The following ADGRA3 variants were observed in gnomAD, a reference collection of about 807,000 sequenced individuals.
ADGRA3 encodes the protein G-protein coupled receptor 125.
Under a neutral mutation model 119.8 loss-of-function variants are expected in ADGRA3, and 56 were observed. That is an observed-to-expected ratio of 0.47 (90% CI 0.38 to 0.58). The LOEUF is 0.58. Ranked by LOEUF, ADGRA3 falls within the 20% of genes least tolerant of loss-of-function variation. The probability of loss-of-function intolerance (pLI) is 0.00; values close to 1 mark genes in which losing one functional copy is unlikely to be tolerated. For synonymous variants in ADGRA3, 607 were observed against 623.8 expected (o/e 0.97, Z 0.40); for missense variants, 1,516 against 1,649.0 (o/e 0.92, Z 1.40).
rs775389315 is a variant in ADGRA3 at position 22,387,807 on chromosome 4, C to T, written c.3864G>A (p.Gln1288=). ...GCCCATTGCTTTTAATTGGTCCATT[C>T]TGAATGGCCAAGTTGAGGCCATAAG... ...QKSYGLNLAI[Q]NGPIKSNGQE... The change falls in exon 19 of 19, where the codon CAG becomes CAA. Residue 1288 remains glutamine (Q), a synonymous_variant. Transcript: ENST00000334304. The T allele has an allele frequency of 1.2e-6, 2 of 1,614,004 alleles. No individual in the cohort carries two copies. Among genetic ancestry groups the T allele is most frequent in the African/African-American group, 1.3e-5 (1 of 74,938 alleles).
chr4:22,461,676 G>C (rs1284845473), intron 3 of ADGRA3, 61 bp downstream of exon 3: 2 of 1,134,290 alleles, frequency 1.8e-6, no homozygotes, highest in African/African-American at 3.1e-5. Flanking sequence ...GTTAAAGTAA[G>C]TTGACAGCTA....
chr4:22,505,560 C>G (rs1327149768), intron 1 of ADGRA3, among the ~76,000 whole-genome samples: 2 of 150,114 alleles, frequency 1.3e-5, no homozygotes, highest in Non-Finnish European at 2.9e-5. Flanking sequence ...GGCAGGAGAA[C>G]GGTTTGAGCC....
At chr4:22,460,723 G>A (rs1717412460) in intron 3 of ADGRA3, among the ~76,000 whole-genome samples, 1 of 152,100 alleles carries the variant, frequency 6.6e-6, no homozygotes, top group African/African-American at 2.4e-5. Flanking sequence ...TTTTTCTCCT[G>A]TTAATCTGTC....
chr4:22,417,522 G>A (rs1715478046), intron 12 of ADGRA3, among the ~76,000 whole-genome samples: 1 of 152,116 alleles, frequency 6.6e-6, no homozygotes, highest in African/African-American at 2.4e-5. Flanking sequence ...CTGCATAACA[G>A]CCGAGAAACT....
At chr4:22,438,883 G>A (rs1191001063) in intron 7 of ADGRA3, among the ~76,000 whole-genome samples, 2 of 152,106 alleles carry the variant, frequency 1.3e-5, no homozygotes, top group Non-Finnish European at 2.9e-5. Flanking sequence ...TGTAATCCCA[G>A]CTGCTTGGGA....
intron 6 of ADGRA3, among the ~76,000 whole-genome samples, chr4:22,443,499 G>A (rs929477265): frequency 1.3e-5 from 2 of 152,042 alleles, no homozygotes; most frequent in Non-Finnish European, 2.9e-5. Context: ...TAGTAGTACT[G>A]TATCCTAAAG....
intron 2 of ADGRA3, among the ~76,000 whole-genome samples, chr4:22,462,108 T>C (rs964387534): frequency 4.6e-5 from 7 of 152,216 alleles, no homozygotes; most frequent in African/African-American, 1.7e-4. Flanking sequence ...TACAATCATA[T>C]ACATTATTTC....
intron 1 of ADGRA3, among the ~76,000 whole-genome samples, chr4:22,514,769 T>C (rs1213927272): frequency 1.3e-5 from 2 of 152,200 alleles, no homozygotes; most frequent in Non-Finnish European, 2.9e-5. Flanking sequence ...TTTGCAAAAC[T>C]GAACCGTGAA....
chr4:22,435,344 A>C lies in ADGRA3; in HGVS notation c.1410T>G (p.Phe470Leu). 1.2e-6 allele frequency: 2 copies of C among 1,613,530 alleles called. No homozygotes were observed. The highest frequency in any genetic ancestry group is 1.7e-6 in the Non-Finnish European group (2 of 1,179,538). ...ATTTTTCCTCCTTGGTAAATCTTCC[A>C]AATTTTTCAATCATTTCTGCCACAA... ...VIFVAEMIEK[F>L]GRFTKEEKSK... The change falls in exon 10 of 19, where the codon TTT (phenylalanine) becomes TTG (leucine). Residue 470 changes from phenylalanine (F) to leucine (L), a missense_variant. Phe to Leu is a conservative substitution (Grantham distance 22, BLOSUM62 0). Transcript: ENST00000334304.
chr4:22,482,664 C>CAAACA (rs762142277), intron 1 of ADGRA3, among the ~76,000 whole-genome samples: 10 of 152,124 alleles, frequency 6.6e-5, no homozygotes, highest in Admixed American at 2.0e-4. Context: ...GACCCTGTCT[C>CAAACA]AAACAAAACA....
At chr4:22,418,691 TG>T (rs1299873657) in intron 12 of ADGRA3, among the ~76,000 whole-genome samples, 1 of 152,086 alleles carries the variant, frequency 6.6e-6, no homozygotes, top group African/African-American at 2.4e-5. Flanking sequence ...AATTTCCATT[TG>T]GGGAGGATCC....
intron 15 of ADGRA3, 113 bp from the exon 16 acceptor site, chr4:22,401,667 TA>T: frequency 1.4e-6 from 1 of 697,070 alleles, no homozygotes; most frequent in Non-Finnish European, 2.3e-6. Flanking sequence ...ATTTGATATT[TA>T]AACATTTAAC....
intron 3 of ADGRA3, among the ~76,000 whole-genome samples, chr4:22,460,996 G>A (rs16872682): frequency 1.3e-5 from 2 of 152,168 alleles, no homozygotes; most frequent in African/African-American, 2.4e-5. Flanking sequence ...ATAGGAGATA[G>A]GGGAGTTGTT....
intron 2 of ADGRA3, among the ~76,000 whole-genome samples, chr4:22,472,201 T>C (rs1392089343): frequency 1.3e-5 from 2 of 152,224 alleles, no homozygotes; most frequent in African/African-American, 2.4e-5. Context: ...CTGTGTTATA[T>C]GCAAATGGTA....
In ADGRA3 at chr4:22,507,088, A is replaced by AG. The variant is rs1209566400; in HGVS notation, c.257+8439_257+8440insC. 3.3e-5 allele frequency among the ~76,000 whole-genome samples: 5 copies of AG among 150,946 alleles called. No homozygotes were observed. In the East Asian group the frequency reaches 9.8e-4, roughly 30 times the overall value. ...CCATCTCTACTAAAAATTAAAAAAA[A>AG]AATTAGCCGGGCATGGTGGCGGGTG... On this transcript the variant is annotated intron_variant, in intron 1 of 18. Transcript: ENST00000334304.
intron 12 of ADGRA3, among the ~76,000 whole-genome samples, chr4:22,415,890 C>T (rs928230848): frequency 8.6e-5 from 13 of 151,536 alleles, no homozygotes; most frequent in African/African-American, 2.9e-4. Context: ...ACTGGGTAAC[C>T]AGAGCTATAT....
At chr4:22,389,807 A>C (rs1714033779) in intron 17 of ADGRA3, among the ~76,000 whole-genome samples, 1 of 152,132 alleles carries the variant, frequency 6.6e-6, no homozygotes, top group Non-Finnish European at 1.5e-5. Context: ...GAAACAGAGC[A>C]GTGACTGGTC....
intron 3 of ADGRA3, chr4:22,455,715 CA>C (rs1717212974): frequency 4.1e-6 from 3 of 726,568 alleles, no homozygotes; most frequent in Admixed American, 5.8e-5. Flanking sequence ...ACAATGAACA[CA>C]ATTTTATTTT....
intron 6 of ADGRA3, among the ~76,000 whole-genome samples, chr4:22,443,426 C>T (rs924374657): frequency 4.0e-5 from 6 of 151,762 alleles, no homozygotes; most frequent in Non-Finnish European, 8.8e-5. Flanking sequence ...ACACAAATGA[C>T]ACTAGTTCAT....
Sources: allele counts gnomAD v4.1 joint callset (sites outside exome capture counted in the v4.1 genomes callset), GRCh38; gene constraint gnomAD v4.1.1; transcripts MANE v1.5; gene names NCBI Gene and HGNC (gene_info 2026-07-23, HGNC 2026-07-21).